The following PDE8A variants were observed in gnomAD, a reference collection of about 807,000 sequenced individuals.
PDE8A encodes the protein high affinity cAMP-specific and IBMX-insensitive 3',5'-cyclic phosphodiesterase 8A.
Under a neutral mutation model 105.0 loss-of-function variants are expected in PDE8A, and 59 were observed. The observed-to-expected ratio is 0.56, with a 90% CI of 0.46 to 0.70. The LOEUF is 0.70. PDE8A is among the 30% of genes least tolerant of loss of function. The pLI is 0.00. For missense variants in PDE8A, 1,014 were observed against 1,045.9 expected, an observed-to-expected ratio of 0.97 and a Z score of 0.42; for synonymous variants, 355 against 371.9, an observed-to-expected ratio of 0.95 and a Z score of 0.52.
At chr15:85,012,160 A>C (rs1353124913) in intron 1 of PDE8A, among the ~76,000 whole-genome samples, 7 of 152,316 alleles carry the variant, frequency 4.6e-5, no homozygotes, top group Admixed American at 3.9e-4. Flanking sequence ...GGGATCTAGA[A>C]CTAGAAATAC....
At chr15:85,083,503 A>G in intron 5 of PDE8A, 53 bp from the exon 6 acceptor site, 2 of 1,061,750 alleles carry the variant, frequency 1.9e-6, no homozygotes, top group Admixed American at 3.6e-5. Context: ...TTTTATTGGC[A>G]CAAATAAAGA....
intron 8 of PDE8A, among the ~76,000 whole-genome samples, chr15:85,094,983 A>G (rs1450690143): frequency 2.0e-5 from 3 of 152,182 alleles, no homozygotes; most frequent in Non-Finnish European, 4.4e-5. Context: ...ATTCAGTAAC[A>G]AAAGCCCCAA....
At chr15:85,044,280 G>T (rs1390411784) in intron 1 of PDE8A, among the ~76,000 whole-genome samples, 1 of 152,132 alleles carries the variant, frequency 6.6e-6, no homozygotes, top group East Asian at 1.9e-4. Context: ...TTTGCAATCA[G>T]TCAGGGTAAC....
intron 3 of PDE8A, among the ~76,000 whole-genome samples, chr15:85,073,368 A>G (rs1216937273): frequency 2.0e-5 from 3 of 152,204 alleles, no homozygotes; most frequent in African/African-American, 7.2e-5. Flanking sequence ...TATGCACCAG[A>G]AAAGGTCCCA....
chr15:85,057,647 C>G (rs1291392101), intron 1 of PDE8A, among the ~76,000 whole-genome samples: 1 of 152,214 alleles, frequency 6.6e-6, no homozygotes, highest in Non-Finnish European at 1.5e-5. Context: ...GGAGCTGTTC[C>G]TATTCGGCCA....
chr15:85,130,419 G>C (rs2082314395), intron 20 of PDE8A, among the ~76,000 whole-genome samples: 1 of 152,090 alleles, frequency 6.6e-6, no homozygotes, highest in South Asian at 2.1e-4. Context: ...TCATTTCACT[G>C]TTATTAGAAA....
chr15:85,041,216 A>ATTG (rs954438969), intron 1 of PDE8A, among the ~76,000 whole-genome samples: 2 of 152,238 alleles, frequency 1.3e-5, no homozygotes, highest in Non-Finnish European at 2.9e-5. Context: ...AATACGATTC[A>ATTG]TTACAAGTCA....
chr15:84,989,977 T>C (rs546425420), intron 1 of PDE8A, among the ~76,000 whole-genome samples: 1 of 152,312 alleles, frequency 6.6e-6, no homozygotes, highest in Non-Finnish European at 1.5e-5. Flanking sequence ...CATTTTATTT[T>C]TGGATTCATT....
intron 1 of PDE8A, among the ~76,000 whole-genome samples, chr15:84,990,194 T>G (rs2079864737): frequency 6.6e-6 from 1 of 152,110 alleles, no homozygotes; most frequent in Admixed American, 6.5e-5. Context: ...CAAAAAAAAA[T>G]TAATTCAAAA....
intron 1 of PDE8A, among the ~76,000 whole-genome samples, chr15:85,008,784 T>C (rs991438643): frequency 3.3e-5 from 5 of 152,178 alleles, no homozygotes; most frequent in African/African-American, 1.2e-4. Flanking sequence ...ACCTTGCCCC[T>C]GTCTGCTGAG....
chr15:85,052,451 T>G (rs1296250621), intron 1 of PDE8A, among the ~76,000 whole-genome samples: 1 of 152,172 alleles, frequency 6.6e-6, no homozygotes, highest in African/African-American at 2.4e-5. Flanking sequence ...AGTGTAAAAG[T>G]GTTCCTATTT....
chr15:85,018,319 C>T (rs2080363173), intron 1 of PDE8A, among the ~76,000 whole-genome samples: 1 of 152,188 alleles, frequency 6.6e-6, no homozygotes. Flanking sequence ...AGATGTAAGT[C>T]ACCACACTCA....
intron 1 of PDE8A, among the ~76,000 whole-genome samples, chr15:85,025,903 A>C (rs1054531255): frequency 6.6e-6 from 1 of 152,122 alleles, no homozygotes; most frequent in Non-Finnish European, 1.5e-5. Context: ...TGCTGACCAT[A>C]TATATGGGGC....
chr15:85,064,387 G>A lies in PDE8A; in HGVS notation c.204G>A (p.Val68=). The A allele has an allele frequency of 6.2e-7, 1 of 1,609,526 alleles. No homozygotes were observed. Among genetic ancestry groups the A allele is most frequent in the Non-Finnish European group, 8.5e-7 (1 of 1,176,198 alleles). The part of the protein sequence containing the change: ...GSGKKVAVAD[V]QFGPMRFHQD... ...TCTTACAGGTAGCAGTAGCTGATGT[G>A]CAGTTTGGCCCCATGAGATTTCATC... Residue 68 remains valine (V), a synonymous_variant, in exon 2 of 22, where the codon GTG becomes GTA. Coordinates refer to ENST00000394553, the MANE Select transcript of PDE8A (RefSeq NM_002605.3).
chr15:84,986,891 A>G (rs1265789929), intron 1 of PDE8A, among the ~76,000 whole-genome samples: 1 of 152,188 alleles, frequency 6.6e-6, no homozygotes, highest in African/African-American at 2.4e-5. Flanking sequence ...CTGGGATTAC[A>G]GGTGTGGGTT....
intron 3 of PDE8A, among the ~76,000 whole-genome samples, chr15:85,073,641 C>T (rs1596491528): frequency 2.0e-5 from 3 of 152,352 alleles, no homozygotes; most frequent in Admixed American, 2.0e-4. Flanking sequence ...GCCCTTTCTC[C>T]TTCCAAATCT....
intron 3 of PDE8A, among the ~76,000 whole-genome samples, chr15:85,070,854 A>G (rs1413216558): frequency 6.6e-6 from 1 of 152,162 alleles, no homozygotes; most frequent in East Asian, 1.9e-4. Flanking sequence ...CAAGTGGAGA[A>G]TGGAGTAGAA....
At chr15:85,056,841 C>G (rs886763821) in intron 1 of PDE8A, among the ~76,000 whole-genome samples, 2 of 152,238 alleles carry the variant, frequency 1.3e-5, no homozygotes, top group African/African-American at 4.8e-5. Flanking sequence ...CTCCGTCCAG[C>G]TTTGTTCCAT....
At chr15:85,033,210 G>A (rs111632835) in intron 1 of PDE8A, among the ~76,000 whole-genome samples, 6 of 152,276 alleles carry the variant, frequency 3.9e-5, no homozygotes, top group African/African-American at 1.4e-4. Context: ...TCCAACGTAA[G>A]GGACACACCC....
Sources: gnomAD v4.1 joint callset for allele counts (sites outside exome capture counted in the v4.1 genomes callset) on GRCh38, gnomAD v4.1.1 for gene constraint, MANE v1.5 for transcripts, NCBI Gene and HGNC (gene_info 2026-07-23, HGNC 2026-07-21) for gene names.